NR5A2: variants seen among roughly 807,000 people sequenced by gnomAD.
NR5A2 encodes the protein nuclear receptor subfamily 5 group A member 2.
A neutral mutation model predicts 62.7 loss-of-function variants in NR5A2; 26 were observed. The ratio of observed to expected loss-of-function variants is 0.41; its 90% CI spans 0.30 to 0.58. NR5A2 has a LOEUF of 0.58. Ranked by LOEUF, NR5A2 falls within the 20% of genes least tolerant of loss-of-function variation. The pLI is 0.22. For missense variants in NR5A2, 541 were observed against 669.1 expected, an observed-to-expected ratio of 0.81 and a Z score of 2.11; for synonymous variants, 246 against 241.7, an observed-to-expected ratio of 1.02 and a Z score of -0.16.
chr1:200,129,484 A>G (rs1558156503), intron 7 of NR5A2, among the ~76,000 whole-genome samples: 1 of 152,166 alleles, frequency 6.6e-6, no homozygotes, highest in Non-Finnish European at 1.5e-5. Context: ...TTTTTCTTTA[A>G]AAGAGGACCC....
intron 7 of NR5A2, among the ~76,000 whole-genome samples, chr1:200,133,505 C>CTA (rs138519275): frequency 0.24 from 32,469 of 134,098 alleles, 4,339 homozygotes; most frequent in Admixed American, 0.32. Context: ...CACTGATGGA[C>CTA]TATATATATA....
intron 5 of NR5A2, among the ~76,000 whole-genome samples, chr1:200,068,152 G>A (rs1663582493): frequency 6.6e-6 from 1 of 151,992 alleles, no homozygotes; most frequent in Non-Finnish European, 1.5e-5. Context: ...GATCTTTGTT[G>A]CTTTTTAAAG....
At chr1:200,053,143 T>A (rs968736458) in intron 5 of NR5A2, among the ~76,000 whole-genome samples, 1 of 152,104 alleles carries the variant, frequency 6.6e-6, no homozygotes, top group Non-Finnish European at 1.5e-5. Context: ...AAGTTACAAC[T>A]CCCCAACTCT....
chr1:200,120,881 T>C lies in NR5A2; in HGVS notation c.1304T>C (p.Val435Ala), dbSNP rs146778765. ...CTCATGAGTCATGCACAGGAGTTAG[T>C]GGCAAAACTTCGTTCTCTCCAGTTT... ...NNLMSHAQELVAKLRSLQFDQ... is the reference protein window; with the variant it reads ...NNLMSHAQELAAKLRSLQFDQ... The change falls in exon 7 of 8, where the codon GTG becomes GCG. Residue 435 changes from valine (V) to alanine (A), a missense_variant. Val to Ala is a moderately conservative substitution (Grantham distance 64). Around this residue, in one of 3 missense-constraint regions of NR5A2, gnomAD observed 379 missense variants for 442.0 expected, o/e 0.86. Coordinates refer to ENST00000367362, the MANE Select transcript of NR5A2 (RefSeq NM_205860.3). 2.0e-5 allele frequency: 33 copies of C among 1,611,912 alleles called. No homozygotes were observed. The highest frequency in any genetic ancestry group is 8.0e-5 in the African/African-American group (6 of 74,816).
chr1:200,092,250 T>C (rs1664851974), intron 5 of NR5A2, among the ~76,000 whole-genome samples: 1 of 152,256 alleles, frequency 6.6e-6, no homozygotes, highest in Non-Finnish European at 1.5e-5. Flanking sequence ...TTTAATGCTA[T>C]ATAATTTCAG....
intron 7 of NR5A2, among the ~76,000 whole-genome samples, chr1:200,169,444 A>G (rs897925520): frequency 6.6e-6 from 1 of 152,186 alleles, no homozygotes; most frequent in African/African-American, 2.4e-5. Context: ...GACAAGGTTT[A>G]TAGGCTGCAC....
At chr1:200,145,921 G>A (rs1037470590) in intron 7 of NR5A2, among the ~76,000 whole-genome samples, 1 of 152,140 alleles carries the variant, frequency 6.6e-6, no homozygotes, top group African/African-American at 2.4e-5. Flanking sequence ...ACTGTACACA[G>A]ATATAAGTAC....
At chr1:200,035,394 C>G (rs2102137640) in intron 1 of NR5A2, among the ~76,000 whole-genome samples, 1 of 152,148 alleles carries the variant, frequency 6.6e-6, no homozygotes, top group South Asian at 2.1e-4. Context: ...GCCCAGGAAA[C>G]TTGAACCGCT....
intron 5 of NR5A2, among the ~76,000 whole-genome samples, chr1:200,062,672 T>C (rs540331774): frequency 8.5e-5 from 13 of 152,296 alleles, no homozygotes; most frequent in Non-Finnish European, 1.8e-4. Flanking sequence ...ATTTTCCTTG[T>C]ACAGTTATCA....
intron 5 of NR5A2, among the ~76,000 whole-genome samples, chr1:200,081,657 A>G (rs16845914): frequency 6.6e-6 from 1 of 152,158 alleles, no homozygotes; most frequent in Non-Finnish European, 1.5e-5. Context: ...TGAAAACAGG[A>G]TCTCAATACA....
At chr1:200,144,407 C>T (rs1220603110) in intron 7 of NR5A2, among the ~76,000 whole-genome samples, 3 of 152,064 alleles carry the variant, frequency 2.0e-5, no homozygotes, top group African/African-American at 7.2e-5. Context: ...ATTTGATCTT[C>T]CTGGAGCCTA....
chr1:200,169,127 C>G (rs905559479), intron 7 of NR5A2, among the ~76,000 whole-genome samples: 1 of 152,050 alleles, frequency 6.6e-6, no homozygotes, highest in Non-Finnish European at 1.5e-5. Context: ...GAGGATCGCT[C>G]AAGCCCAGGA....
intron 7 of NR5A2, among the ~76,000 whole-genome samples, chr1:200,144,406 TC>T (rs1203512366): frequency 2.0e-5 from 3 of 152,108 alleles, no homozygotes; most frequent in Admixed American, 2.0e-4. Context: ...AATTTGATCT[TC>T]CTGGAGCCTA....
rs202153830 is a variant in NR5A2 at position 200,174,003 on chromosome 1, C to A, written c.1419C>A (p.Val473=). 2 of 1,574,368 alleles carry A rather than the reference C, an allele frequency of 1.3e-6. No homozygotes were observed. Among genetic ancestry groups the A allele is most frequent in the East Asian group, 2.3e-5 (1 of 43,406 alleles). ...NLENFQLVEG[V]QEQVNAALLD... ...AAAACTTCCAGCTGGTAGAAGGTGT[C>A]CAGGAACAAGTCAATGCCGCCCTGC... Residue 473 remains valine, a synonymous_variant, in exon 8 of 8, where the codon GTC becomes GTA. Coordinates refer to ENST00000367362, the MANE Select transcript of NR5A2 (RefSeq NM_205860.3).
At position 200,083,570 on chromosome 1, in the gene NR5A2, G is replaced by A. The variant is rs148125616; in HGVS notation, c.1111-27632G>A. Among the ~76,000 whole-genome samples the A allele has an allele frequency of 6.6e-5, 10 of 152,294 alleles. No individual in the cohort carries two copies. The East Asian group carries it at 1.9e-3, about 29-fold the overall frequency. On this transcript the variant is annotated intron_variant, in intron 5 of 7. Coordinates refer to ENST00000367362, the MANE Select transcript of NR5A2 (RefSeq NM_205860.3). ...GGCTTCGCCATGTGTGTATCGTAAA[G>A]ACCTACTAAGCAATATGAACTCTCC... is the stretch of plus-strand genomic sequence containing the variant.
At chr1:200,053,066 T>C (rs1378805838) in intron 5 of NR5A2, among the ~76,000 whole-genome samples, 2 of 152,214 alleles carry the variant, frequency 1.3e-5, no homozygotes, top group Non-Finnish European at 2.9e-5. Flanking sequence ...TTTGTTTTTC[T>C]ATACATCTAC....
At chr1:200,071,764 G>A (rs544129743) in intron 5 of NR5A2, among the ~76,000 whole-genome samples, 2 of 152,290 alleles carry the variant, frequency 1.3e-5, no homozygotes, top group South Asian at 4.1e-4. Context: ...GAGCAGAGCC[G>A]ATATTCAGTG....
intron 7 of NR5A2, among the ~76,000 whole-genome samples, chr1:200,166,161 A>G (rs1653890275): frequency 6.6e-6 from 1 of 152,198 alleles, no homozygotes. Flanking sequence ...TTGGTATTGT[A>G]CCACAAAATC....
intron 5 of NR5A2, among the ~76,000 whole-genome samples, chr1:200,073,387 T>A (rs1264460484): frequency 1.3e-5 from 2 of 149,948 alleles, no homozygotes; most frequent in East Asian, 3.9e-4. Context: ...CCTTGATATC[T>A]GTGGGGGATT....
Sources: gnomAD v4.1 joint callset for allele counts (sites outside exome capture counted in the v4.1 genomes callset) on GRCh38, gnomAD v4.1.1 for gene constraint, gnomAD v4.1.1 regional missense constraint, MANE v1.5 for transcripts, NCBI Gene and HGNC (gene_info 2026-07-23, HGNC 2026-07-21) for gene names.